ADD3: variants seen among roughly 807,000 people sequenced by gnomAD.
The protein encoded by ADD3 is adducin 3, also known as gamma-adducin.
Under a neutral mutation model 80.2 loss-of-function variants are expected in ADD3, and 25 were observed. The observed-to-expected ratio is 0.31, with a 90% CI of 0.23 to 0.44. The LOEUF is 0.44. Among genes scored for constraint, ADD3 ranks in the 20% least tolerant of loss-of-function variants. The pLI is 1.00. For synonymous variants in ADD3, 284 were observed against 289.6 expected, an observed-to-expected ratio of 0.98 and a Z score of 0.20; for missense variants, 829 against 847.5, an observed-to-expected ratio of 0.98 and a Z score of 0.27.
At chr10:110,049,886 C>CAAA (rs1296672882) in intron 1 of ADD3, among the ~76,000 whole-genome samples, 1 of 61,052 alleles carries the variant, frequency 1.6e-5, no homozygotes, top group Non-Finnish European at 3.7e-5. Flanking sequence ...GACTCCGTCT[C>CAAA]AAAAAAAAAA....
chr10:110,078,967 C>G (rs999002967), intron 1 of ADD3, among the ~76,000 whole-genome samples: 1 of 152,096 alleles, frequency 6.6e-6, no homozygotes, highest in Non-Finnish European at 1.5e-5. Context: ...CATTAATACT[C>G]TTATCTTTTC....
intron 1 of ADD3, among the ~76,000 whole-genome samples, chr10:110,036,258 A>G (rs998148971): frequency 6.6e-6 from 1 of 151,926 alleles, no homozygotes; most frequent in African/African-American, 2.4e-5. Context: ...GCATTTTACC[A>G]TGGAGTCCAG....
rs745834358 is a variant in ADD3 at position 110,133,310 on chromosome 10, C to T, written c.1829-16C>T. 2.1e-5 allele frequency: 32 copies of T among 1,556,226 alleles called. No individual in the cohort carries two copies. In the South Asian group the frequency reaches 3.4e-4, roughly 16 times the overall value. On this transcript the variant is annotated splice_polypyrimidine_tract_variant and intron_variant, in intron 14 of 14. Coordinates refer to ENST00000356080, the MANE Select transcript of ADD3 (RefSeq NM_016824.5). The stretch of plus-strand genomic sequence containing the variant: ...AGTATGTAAAATAACCCCCAAAAAA[C>T]CCTCCCCTTTCGTAGAAAACCATGA...
chr10:110,029,142 G>C (rs1854682252), intron 1 of ADD3, among the ~76,000 whole-genome samples: 1 of 152,224 alleles, frequency 6.6e-6, no homozygotes, highest in South Asian at 2.1e-4. Context: ...GCCTCCCAAA[G>C]TGCTGAGATT....
Position 110,133,309 on chromosome 10 carries a change from A to AC in ADD3, c.1829-14dup. 1 of 1,558,608 alleles carries AC rather than the reference A, an allele frequency of 6.4e-7. No homozygotes were observed. Among genetic ancestry groups the AC allele is most frequent in the South Asian group, 1.2e-5 (1 of 83,358 alleles). ...AAGTATGTAAAATAACCCCCAAAAA[A>AC]CCCTCCCCTTTCGTAGAAAACCATG... On this transcript the variant is annotated splice_polypyrimidine_tract_variant and intron_variant, in intron 14 of 14. Transcript: ENST00000356080.
At chr10:110,043,463 G>A (rs1365294282) in intron 1 of ADD3, among the ~76,000 whole-genome samples, 1 of 152,044 alleles carries the variant, frequency 6.6e-6, no homozygotes, top group African/African-American at 2.4e-5. Flanking sequence ...GGTTAACTTA[G>A]CAGCCTGCTG....
chr10:110,089,438 C>CT (rs577638124), intron 1 of ADD3, among the ~76,000 whole-genome samples: 271 of 152,222 alleles, frequency 1.8e-3, no homozygotes, highest in Non-Finnish European at 1.9e-3. Flanking sequence ...CCACTAGTCT[C>CT]TGTCAGCTTT....
intron 1 of ADD3, among the ~76,000 whole-genome samples, chr10:110,043,351 T>C (rs187735198): frequency 6.6e-6 from 1 of 152,366 alleles, no homozygotes; most frequent in African/African-American, 2.4e-5. Flanking sequence ...TTTTTAAGTA[T>C]GGCTGATCTT....
chr10:110,036,846 T>G (rs1855726716), intron 1 of ADD3, among the ~76,000 whole-genome samples: 1 of 152,208 alleles, frequency 6.6e-6, no homozygotes, highest in South Asian at 2.1e-4. Flanking sequence ...GTGTTATGAC[T>G]AGCCTTCTGG....
chr10:110,097,572 T>C (rs1022078722), intron 1 of ADD3, among the ~76,000 whole-genome samples: 2 of 152,282 alleles, frequency 1.3e-5, no homozygotes, highest in Admixed American at 1.3e-4. Flanking sequence ...GTTGTAATTA[T>C]CAGTTTCAGG....
Position 110,130,495 on chromosome 10 carries a change from A to G in ADD3, c.1732+9A>G. The G allele has an allele frequency of 2.5e-6, 4 of 1,612,828 alleles. No individual in the cohort carries two copies. The highest frequency in any genetic ancestry group is 3.4e-6 in the Non-Finnish European group (4 of 1,179,480). On this transcript the variant is annotated intron_variant, in intron 13 of 14. Transcript: ENST00000356080. The stretch of plus-strand genomic sequence containing the variant: ...ACAACAAGGCCTAGAAGGTTAGTTA[A>G]TCTTTACATTCAACCTAGGGTAAGC...
At chr10:110,037,261 T>C (rs1394044400) in intron 1 of ADD3, among the ~76,000 whole-genome samples, 1 of 152,242 alleles carries the variant, frequency 6.6e-6, no homozygotes, top group Non-Finnish European at 1.5e-5. Flanking sequence ...AATACTGGCA[T>C]GAAATTTTGT....
At chr10:110,130,539 G>A (rs1323289486) in intron 13 of ADD3, 53 bp downstream of exon 13, 1 of 1,582,932 alleles carries the variant, frequency 6.3e-7, no homozygotes. Flanking sequence ...TAACAATAAA[G>A]TACCTCACGT....
At chr10:110,077,407 A>G (rs555172532) in intron 1 of ADD3, among the ~76,000 whole-genome samples, 29 of 152,104 alleles carry the variant, frequency 1.9e-4, no homozygotes, top group Middle Eastern at 6.8e-3. Flanking sequence ...CAAATGTGCT[A>G]GTTATTTAAC....
intron 12 of ADD3, among the ~76,000 whole-genome samples, chr10:110,129,154 T>TTTCTTTC (rs1564671291): frequency 1.8e-4 from 27 of 149,898 alleles, no homozygotes; most frequent in African/African-American, 6.4e-4. Context: ...TTCTTTCTTT[T>TTTCTTTC]TTTTTTTTTT....
Position 110,124,056 on chromosome 10 carries a change from C to A in ADD3, c.1183C>A (p.Arg395=). 1.9e-6 allele frequency: 3 copies of A among 1,614,004 alleles called. No individual in the cohort carries two copies. Among genetic ancestry groups the A allele is most frequent in the Non-Finnish European group, 2.5e-6 (3 of 1,179,904 alleles). Residue 395 remains arginine (R), a synonymous_variant, in exon 10 of 15, where the codon CGA becomes AGA. Transcript: ENST00000356080. ...TGYAYRHPLI[R]EKPRHKSDVE... is the part of the protein sequence containing the mutation. Reference sequence around the variant, plus strand: ...CTATGCTTACAGGCATCCTCTCATTCGAGAGAAGCCTAGGCACAAGAGTGA... The same window carrying A: ...CTATGCTTACAGGCATCCTCTCATTAGAGAGAAGCCTAGGCACAAGAGTGA...
At chr10:110,043,889 A>G (rs1420583485) in intron 1 of ADD3, among the ~76,000 whole-genome samples, 2 of 152,106 alleles carry the variant, frequency 1.3e-5, no homozygotes, top group Admixed American at 6.5e-5. Context: ...AGGAGTGAAA[A>G]TTAGGGGAGA....
intron 12 of ADD3, among the ~76,000 whole-genome samples, chr10:110,128,406 A>G (rs1393484962): frequency 6.6e-6 from 1 of 150,580 alleles, no homozygotes; most frequent in African/African-American, 2.4e-5. Context: ...TAACTTTTTT[A>G]ATTTATTTTA....
chr10:110,013,809 C>T (rs1408964302), intron 1 of ADD3, among the ~76,000 whole-genome samples: 2 of 152,186 alleles, frequency 1.3e-5, no homozygotes, highest in East Asian at 3.9e-4. Context: ...GCCTGTTTAA[C>T]TCTGCCTCTG....
Sources: allele counts gnomAD v4.1 joint callset (sites outside exome capture counted in the v4.1 genomes callset), GRCh38; gene constraint gnomAD v4.1.1; transcripts MANE v1.5; gene names NCBI Gene and HGNC (gene_info 2026-07-23, HGNC 2026-07-21).